Variants in GFOD1 observed in about 807,000 individuals in gnomAD.
GFOD1 encodes the protein glucose-fructose oxidoreductase domain-containing protein 1.
In GFOD1, 9 loss-of-function variants were observed where a neutral mutation model predicts 25.4. The ratio of observed to expected loss-of-function variants is 0.35; its 90% CI spans 0.21 to 0.62. The LOEUF (loss-of-function observed/expected upper bound fraction) is 0.62, where lower values mean the gene tolerates loss of function less well. GFOD1 is among the 20% of genes least tolerant of loss of function. The pLI is 0.72. For missense variants in GFOD1, 403 were observed against 556.9 expected, an observed-to-expected ratio of 0.72 and a Z score of 2.78; for synonymous variants, 253 against 245.6, an observed-to-expected ratio of 1.03 and a Z score of -0.28.
intron 1 of GFOD1, among the ~76,000 whole-genome samples, chr6:13,407,690 C>T (rs508153): frequency 0.57 from 87,425 of 152,120 alleles, 28,820 homozygotes; most frequent in Non-Finnish European, 0.73. Flanking sequence ...ATGTCATCTT[C>T]TGCCCAGTTC....
At chr6:13,414,366 T>A (rs1584637896) in intron 1 of GFOD1, among the ~76,000 whole-genome samples, 1 of 152,136 alleles carries the variant, frequency 6.6e-6, no homozygotes, top group Non-Finnish European at 1.5e-5. Context: ...CTGGGCAGAG[T>A]CGGCCAGCGC....
chr6:13,455,191 C>A (rs1758166865), intron 1 of GFOD1, among the ~76,000 whole-genome samples: 1 of 152,148 alleles, frequency 6.6e-6, no homozygotes, highest in Non-Finnish European at 1.5e-5. Flanking sequence ...AGCCCCAAAG[C>A]CTGGCAGTGA....
intron 1 of GFOD1, among the ~76,000 whole-genome samples, chr6:13,431,873 G>A (rs1757754874): frequency 6.6e-6 from 1 of 152,124 alleles, no homozygotes; most frequent in South Asian, 2.1e-4. Context: ...CCAAAGCTTG[G>A]CAGAAATATT....
At chr6:13,394,591 C>T (rs1259370562) in intron 1 of GFOD1, among the ~76,000 whole-genome samples, 1 of 148,930 alleles carries the variant, frequency 6.7e-6, no homozygotes, top group Non-Finnish European at 1.5e-5. Context: ...CCTTCTGCCT[C>T]AGCCTCCCAA....
At chr6:13,368,879 A>G (rs375062456) in intron 1 of GFOD1, among the ~76,000 whole-genome samples, 28 of 152,324 alleles carry the variant, frequency 1.8e-4, no homozygotes, top group African/African-American at 6.7e-4. Context: ...GACATGATAT[A>G]CAAAAATGCA....
chr6:13,481,328 G>A (rs1429707381), intron 1 of GFOD1, among the ~76,000 whole-genome samples: 1 of 152,208 alleles, frequency 6.6e-6, no homozygotes, highest in East Asian at 1.9e-4. Context: ...GAACCTTCTG[G>A]GCAAAGGGAT....
intron 1 of GFOD1, among the ~76,000 whole-genome samples, chr6:13,481,966 G>A (rs1758761937): frequency 6.6e-6 from 1 of 151,986 alleles, no homozygotes; most frequent in South Asian, 2.1e-4. Flanking sequence ...TTGAGTAACA[G>A]GGAACTGCTT....
At chr6:13,439,332 G>C (rs1273452627) in intron 1 of GFOD1, among the ~76,000 whole-genome samples, 1 of 152,176 alleles carries the variant, frequency 6.6e-6, no homozygotes, top group Non-Finnish European at 1.5e-5. Flanking sequence ...AAGAGGCTCT[G>C]ATGCTCAGCC....
intron 1 of GFOD1, among the ~76,000 whole-genome samples, chr6:13,418,218 G>A (rs1459319407): frequency 6.6e-6 from 1 of 152,206 alleles, no homozygotes; most frequent in Non-Finnish European, 1.5e-5. Flanking sequence ...CACTGCAGGG[G>A]ACAGGCAGGA....
rs1758894583 is a variant in GFOD1 at position 13,487,268 on chromosome 6, T to C, written c.-378A>G. 4.9e-6 allele frequency: 1 copy of C among 204,302 alleles called. No individual in the cohort carries two copies. Among genetic ancestry groups the C allele is most frequent in the Admixed American group, 6.0e-5 (1 of 16,576 alleles). The allele number at this position is 204,302 out of a possible 1,614,324, so 12.7% of individuals were successfully genotyped here. On this transcript the variant is annotated 5_prime_UTR_variant, in exon 1 of 2. It removes an upstream start codon present in the reference 5' UTR. Coordinates refer to ENST00000379287, the MANE Select transcript of GFOD1 (RefSeq NM_018988.4). This position sits in a 1 kb window ranked among gnomAD's most constrained non-coding sequence, Gnocchi z 4.9. ...CCAAGGCCGCTCCATGGCCGGCTCA[T>C]CCCCGCGGCCGCGCCGCCGCAGCCC...
intron 1 of GFOD1, among the ~76,000 whole-genome samples, chr6:13,422,632 T>C (rs562440547): frequency 6.6e-6 from 1 of 152,308 alleles, no homozygotes; most frequent in Non-Finnish European, 1.5e-5. Context: ...TTCAGGTGGA[T>C]GACAGGGAAA....
At chr6:13,390,779 G>GA (rs763727741) in intron 1 of GFOD1, among the ~76,000 whole-genome samples, 1 of 106,898 alleles carries the variant, frequency 9.4e-6, no homozygotes, top group African/African-American at 9.4e-5. Flanking sequence ...GAGAGAGAGA[G>GA]AAAGGAAGGA....
At chr6:13,378,110 A>C (rs191258429) in intron 1 of GFOD1, among the ~76,000 whole-genome samples, 2 of 152,296 alleles carry the variant, frequency 1.3e-5, no homozygotes, top group Non-Finnish European at 2.9e-5. Context: ...GGCTCACTTA[A>C]GCACCACTCC....
intron 1 of GFOD1, among the ~76,000 whole-genome samples, chr6:13,485,820 G>A (rs1758851597): frequency 6.6e-6 from 1 of 152,182 alleles, no homozygotes; most frequent in South Asian, 2.1e-4. Flanking sequence ...TGCCTCTGGA[G>A]CTACTGCGCC....
At chr6:13,449,858 AC>A (rs2127573608) in intron 1 of GFOD1, among the ~76,000 whole-genome samples, 1 of 152,330 alleles carries the variant, frequency 6.6e-6, no homozygotes, top group East Asian at 1.9e-4. Context: ...GTCTTTATCA[AC>A]AGCATGAAAA....
chr6:13,485,837 C>T (rs1758852073), intron 1 of GFOD1, among the ~76,000 whole-genome samples: 1 of 152,192 alleles, frequency 6.6e-6, no homozygotes, highest in South Asian at 2.1e-4. Context: ...CGCCCATCCT[C>T]CTAAAAATTT....
intron 1 of GFOD1, among the ~76,000 whole-genome samples, chr6:13,370,495 A>G (rs1170308627): frequency 6.6e-6 from 1 of 151,996 alleles, no homozygotes; most frequent in Non-Finnish European, 1.5e-5. Flanking sequence ...TGCTAAGCAA[A>G]GTTTGTTTTC....
In GFOD1 at chr6:13,358,014, C is replaced by G. The variant is rs1158897867; in HGVS notation, c.*6729G>C. On this transcript the variant is annotated 3_prime_UTR_variant, in exon 2 of 2. Transcript: ENST00000379287. ...CGGGCATCAGCTCTGGAGCTCCTAG[C>G]GGCAGGCACAGGGCTGCTGGAGGCC... The G allele has an allele frequency of 6.6e-6, 1 of 152,368 alleles. No individual in the cohort carries two copies. Among genetic ancestry groups the G allele is most frequent in the East Asian group, 1.9e-4 (1 of 5,186 alleles). The allele number at this position is 152,368 out of a possible 1,614,324, so 9.4% of individuals were successfully genotyped here.
intron 1 of GFOD1, among the ~76,000 whole-genome samples, chr6:13,390,140 A>G (rs1413536077): frequency 1.3e-5 from 2 of 152,208 alleles, no homozygotes; most frequent in Non-Finnish European, 2.9e-5. Context: ...TGCCTGAGCC[A>G]GTTATGACTT....
Sources: gnomAD v4.1 joint callset for allele counts (sites outside exome capture counted in the v4.1 genomes callset) on GRCh38, gnomAD v4.1.1 for gene constraint, Gnocchi (gnomAD v3.1) non-coding constraint, MANE v1.5 for transcripts, NCBI Gene and HGNC (gene_info 2026-07-23, HGNC 2026-07-21) for gene names.